ARMC2: variants seen among roughly 807,000 people sequenced by gnomAD.
ARMC2 encodes armadillo repeat-containing protein 2.
In ARMC2, 67 loss-of-function variants were observed where a neutral mutation model predicts 90.3. The ratio of observed to expected loss-of-function variants is 0.74; its 90% confidence interval spans 0.61 to 0.91. The LOEUF (loss-of-function observed/expected upper bound fraction) is 0.91. Ranked by LOEUF, ARMC2 falls within the 40% of genes least tolerant of loss-of-function variation. The probability of loss-of-function intolerance (pLI) is 0.00; values close to 1 mark genes in which losing one functional copy is unlikely to be tolerated. For synonymous variants in ARMC2, 393 were observed against 393.0 expected, an observed-to-expected ratio of 1.00 and a Z score of 0.00; for missense variants, 920 against 1,030.9, an observed-to-expected ratio of 0.89 and a Z score of 1.47.
the ARMC2 span, among the ~76,000 whole-genome samples, chr6:109,045,308 T>C: frequency 1.3e-5 from 2 of 152,200 alleles, no homozygotes; most frequent in Non-Finnish European, 2.9e-5. Flanking sequence ...ATTAGAACGA[T>C]AGCCTCCTTT....
intron 10 of ARMC2, among the ~76,000 whole-genome samples, chr6:108,926,150 G>A (rs1245101656): frequency 1.3e-5 from 2 of 152,164 alleles, no homozygotes; most frequent in Non-Finnish European, 2.9e-5. Flanking sequence ...CATCTTTGAT[G>A]CCTTGGGGAC....
the ARMC2 span, chr6:109,008,823 G>A: frequency 1.0e-6 from 1 of 985,540 alleles, no homozygotes; most frequent in Non-Finnish European, 1.2e-6. Context: ...ACGTCATAGA[G>A]CTTGCAGGAC....
the ARMC2 span, among the ~76,000 whole-genome samples, chr6:108,993,460 T>C: frequency 1.7e-4 from 26 of 152,300 alleles, no homozygotes; most frequent in East Asian, 5.0e-3. Flanking sequence ...TCTACATCTT[T>C]AGGCATGGAA....
At chr6:108,986,676 CAG>C in the ARMC2 span, 7 of 152,376 alleles carry the variant, frequency 4.6e-5, no homozygotes, top group Non-Finnish European at 7.3e-5. Flanking sequence ...CAGGCAGAGG[CAG>C]AGAGACTGAA....
At chr6:109,037,484 C>T in the ARMC2 span, among the ~76,000 whole-genome samples, 1 of 152,074 alleles carries the variant, frequency 6.6e-6, no homozygotes, top group Non-Finnish European at 1.5e-5. Flanking sequence ...CTCCATTACA[C>T]AATGCAATTA....
chr6:108,992,962 C>G, the ARMC2 span: 300 of 1,068,978 alleles, frequency 2.8e-4, 1 homozygote, highest in African/African-American at 4.3e-3. Context: ...TGATTTTACC[C>G]AAAGGAGTAA....
chr6:109,036,172 G>A, the ARMC2 span, among the ~76,000 whole-genome samples: 2 of 152,246 alleles, frequency 1.3e-5, no homozygotes, highest in East Asian at 3.9e-4. Flanking sequence ...AGGGAGTGTT[G>A]TTGGAATTCT....
At chr6:108,892,777 AG>A (rs1461430431) in intron 5 of ARMC2, among the ~76,000 whole-genome samples, 3 of 145,178 alleles carry the variant, frequency 2.1e-5, no homozygotes. Context: ...AAAAAAAAAA[AG>A]GTGGGGGGAA....
At chr6:108,885,673 C>CAA (rs772185235) in intron 5 of ARMC2, among the ~76,000 whole-genome samples, 3,007 of 117,420 alleles carry the variant, frequency 0.026, 83 homozygotes, top group East Asian at 0.13. Context: ...GACTCTGTCG[C>CAA]AAAAAAAAAA....
At chr6:108,893,765 C>T (rs945907749) in intron 5 of ARMC2, among the ~76,000 whole-genome samples, 1 of 152,196 alleles carries the variant, frequency 6.6e-6, no homozygotes, top group Non-Finnish European at 1.5e-5. Flanking sequence ...GCCTGTAATC[C>T]CAGCACTTTG....
chr6:108,906,056 TAAGAAGTTTTTTAC>T (rs995163085), intron 8 of ARMC2, among the ~76,000 whole-genome samples: 1 of 152,204 alleles, frequency 6.6e-6, no homozygotes, highest in African/African-American at 2.4e-5. Flanking sequence ...TATATGGGAC[TAAGAAGTTTTTTAC>T]AACTTCTCTC....
At chr6:108,970,988 C>A (rs1778725476) in intron 17 of ARMC2, among the ~76,000 whole-genome samples, 1 of 151,958 alleles carries the variant, frequency 6.6e-6, no homozygotes. Context: ...TTTGGGAGGC[C>A]AAGGTGGGTG....
the ARMC2 span, among the ~76,000 whole-genome samples, chr6:109,046,592 AGT>A: frequency 1.4e-5 from 2 of 142,072 alleles, no homozygotes; most frequent in Admixed American, 1.4e-4. Flanking sequence ...CAGTCTGGAA[AGT>A]GAGGAGCGTC....
chr6:108,967,381 T>G (rs772376400), intron 17 of ARMC2, among the ~76,000 whole-genome samples: 9 of 152,182 alleles, frequency 5.9e-5, no homozygotes, highest in Non-Finnish European at 1.2e-4. Flanking sequence ...ATGGTGGGGC[T>G]GCGGGGCCGG....
the ARMC2 span, among the ~76,000 whole-genome samples, chr6:109,046,206 G>A: frequency 6.8e-6 from 1 of 147,992 alleles, no homozygotes; most frequent in African/African-American, 2.5e-5. Flanking sequence ...TGATTCTCCT[G>A]CCTCAGCCTG....
intron 12 of ARMC2, among the ~76,000 whole-genome samples, chr6:108,938,323 A>G (rs531958250): frequency 1.3e-5 from 2 of 151,902 alleles, no homozygotes; most frequent in East Asian, 3.9e-4. Flanking sequence ...CCAGCCAAAG[A>G]CTTCTGCTGA....
At chr6:108,886,612 A>C (rs191499392) in intron 5 of ARMC2, among the ~76,000 whole-genome samples, 1 of 152,300 alleles carries the variant, frequency 6.6e-6, no homozygotes, top group African/African-American at 2.4e-5. Flanking sequence ...CCAGGAGCCA[A>C]ATCTGGCCAT....
chr6:108,940,093 G>C (rs1162046869), intron 12 of ARMC2, among the ~76,000 whole-genome samples: 1 of 151,946 alleles, frequency 6.6e-6, no homozygotes, highest in Admixed American at 6.6e-5. Context: ...GCAATTATTT[G>C]TTTGCAATTA....
the ARMC2 span, among the ~76,000 whole-genome samples, chr6:108,992,534 T>C: frequency 1.3e-5 from 2 of 152,198 alleles, no homozygotes; most frequent in African/African-American, 4.8e-5. Context: ...GCTGGGAGTA[T>C]CAACTCATCT....
Sources: allele counts gnomAD v4.1 joint callset (sites outside exome capture counted in the v4.1 genomes callset), GRCh38; gene constraint gnomAD v4.1.1; transcripts MANE v1.5; gene names NCBI Gene and HGNC (gene_info 2026-07-23, HGNC 2026-07-21).